The following C10orf88 variants were observed in gnomAD, a reference collection of about 807,000 sequenced individuals.
C10orf88 encodes the protein ATPase PAAT.
A neutral mutation model predicts 34.2 loss-of-function variants in C10orf88; 29 were observed. The observed-to-expected ratio is 0.85, with a 90% CI of 0.63 to 1.16. The LOEUF is 1.16. Ranked by LOEUF, C10orf88 falls within the 50% of genes most tolerant of loss-of-function variation. The pLI, the probability that C10orf88 is intolerant of heterozygous loss-of-function variation, is 0.00. For missense variants in C10orf88, 507 were observed against 533.2 expected (o/e 0.95, Z 0.48); for synonymous variants, 194 against 197.4 (o/e 0.98, Z 0.15).
In C10orf88 at chr10:122,932,656, T is replaced by C. The variant is rs776166375; in HGVS notation, c.1109A>G (p.Glu370Gly). The change falls in exon 6 of 6, where the codon GAA (glutamate) becomes GGA (glycine). Residue 370 changes from glutamate (E) to glycine (G), a missense_variant. By Grantham distance (98) the Glu-to-Gly change is moderately conservative. Transcript: ENST00000481909. ...CAAGTAGGAGCAAATAGATTGCTCTTCCATTCTAAAAATACATTTTTAAAA... is the reference window on the plus strand; with the variant it reads ...CAAGTAGGAGCAAATAGATTGCTCTCCCATTCTAAAAATACATTTTTAAAA... The part of the protein sequence containing the change: ...HGERILGVGM[E>G]EQSICSYLEK... 4.4e-6 allele frequency: 7 copies of C among 1,589,594 alleles called. No individual in the cohort carries two copies. Among genetic ancestry groups the C allele is most frequent in the East Asian group, 2.2e-5 (1 of 44,674 alleles).
rs373782800 is a variant in C10orf88, at chr10:122,932,453, C to G, written c.1312G>C (p.Glu438Gln). 6.2e-7 allele frequency: 1 copy of G among 1,613,122 alleles called. No homozygotes were observed. Among genetic ancestry groups the G allele is most frequent in the African/African-American group, 1.3e-5 (1 of 74,890 alleles). Reference sequence around the variant, plus strand: ...TATCTTTCTCCATTTGAAAGTCTTTCTCCAGAGTCATAATGTCTTAGAGGT... The same window carrying G: ...TATCTTTCTCCATTTGAAAGTCTTTGTCCAGAGTCATAATGTCTTAGAGGT... ...GIPLRHYDSGERLSNGER is the reference protein window; with the variant it reads ...GIPLRHYDSGQRLSNGER Residue 438 changes from glutamate to glutamine, a missense_variant, in exon 6 of 6, where the codon GAA becomes CAA. Transcript: ENST00000481909.
chr10:122,937,338 A>T (rs1267168966), intron 5 of C10orf88, among the ~76,000 whole-genome samples: 1 of 152,046 alleles, frequency 6.6e-6, no homozygotes, highest in South Asian at 2.1e-4. Context: ...TGTCACAATG[A>T]CATGCTTAAC....
chr10:122,938,879 T>A (rs935331443), intron 4 of C10orf88, among the ~76,000 whole-genome samples: 1 of 152,030 alleles, frequency 6.6e-6, no homozygotes, highest in Non-Finnish European at 1.5e-5. Flanking sequence ...CCTTTTATGC[T>A]CTTTAATTTT....
chr10:122,939,704 C>T (rs1482818721), intron 4 of C10orf88, among the ~76,000 whole-genome samples: 2 of 151,878 alleles, frequency 1.3e-5, no homozygotes, highest in Non-Finnish European at 2.9e-5. Context: ...GTTACTCAGT[C>T]ATAACAGGAA....
intron 5 of C10orf88, among the ~76,000 whole-genome samples, chr10:122,934,090 G>T (rs920685276): frequency 2.0e-5 from 3 of 152,062 alleles, no homozygotes; most frequent in African/African-American, 7.2e-5. Flanking sequence ...AATAATTATG[G>T]ATTCACAGGA....
rs769196485 is a variant in C10orf88 at position 122,953,035 on chromosome 10, G to A, written c.165-3C>T. On this transcript the variant is annotated splice_region_variant and splice_polypyrimidine_tract_variant and intron_variant, in intron 1 of 5. Transcript: ENST00000481909. ...TCTTCAAAATCACCAGATCCTGACTGAGAAGAAAATTGGTGAAAACATCAC... is the reference window on the plus strand; with the variant it reads ...TCTTCAAAATCACCAGATCCTGACTAAGAAGAAAATTGGTGAAAACATCAC... 9 of 1,604,008 alleles carry A rather than the reference G, an allele frequency of 5.6e-6. No individual in the cohort carries two copies. The highest frequency in any genetic ancestry group is 1.6e-4 in the Middle Eastern group (1 of 6,068).
chr10:122,941,142 C>T (rs909839020), intron 4 of C10orf88, among the ~76,000 whole-genome samples: 2 of 151,854 alleles, frequency 1.3e-5, no homozygotes, highest in South Asian at 2.1e-4. Flanking sequence ...GAGTATAACT[C>T]CTAAATAACT....
chr10:122,953,964 A>G (rs781010889), intron 1 of C10orf88, 51 bp downstream of exon 1: 3 of 1,466,548 alleles, frequency 2.0e-6, no homozygotes, highest in Middle Eastern at 2.4e-4. Context: ...CTCCCCTAGA[A>G]GCGCGGCAGT....
At chr10:122,933,054 A>G (rs1005021266) in intron 5 of C10orf88, among the ~76,000 whole-genome samples, 2 of 152,214 alleles carry the variant, frequency 1.3e-5, no homozygotes, top group Admixed American at 6.5e-5. Context: ...CATACAAACA[A>G]CCTTACTAAA....
At chr10:122,951,661 T>C (rs974855211) in intron 3 of C10orf88, among the ~76,000 whole-genome samples, 4 of 152,128 alleles carry the variant, frequency 2.6e-5, no homozygotes, top group East Asian at 1.9e-4. Flanking sequence ...CTGAGCCTCA[T>C]CTCTACTAAA....
At chr10:122,948,473 G>A (rs1848659854) in intron 4 of C10orf88, among the ~76,000 whole-genome samples, 176 bp downstream of exon 4, 1 of 152,146 alleles carries the variant, frequency 6.6e-6, no homozygotes, top group African/African-American at 2.4e-5. Context: ...GTGTGAAAAT[G>A]TGTAGTCAAA....
At chr10:122,933,930 A>C (rs998585798) in intron 5 of C10orf88, among the ~76,000 whole-genome samples, 2 of 152,172 alleles carry the variant, frequency 1.3e-5, no homozygotes, top group East Asian at 3.8e-4. Flanking sequence ...GTTAATATAC[A>C]GTGGGTTTAT....
At chr10:122,939,826 G>A (rs538670796) in intron 4 of C10orf88, among the ~76,000 whole-genome samples, 1 of 151,974 alleles carries the variant, frequency 6.6e-6, no homozygotes, top group South Asian at 2.1e-4. Context: ...TGAACATTAA[G>A]TAGGCAGAAC....
chr10:122,942,638 C>T (rs1452859475), intron 4 of C10orf88, among the ~76,000 whole-genome samples: 20 of 149,396 alleles, frequency 1.3e-4, no homozygotes, highest in Non-Finnish European at 2.4e-4. Flanking sequence ...TCGTCTCAGC[C>T]CAAAATCTCC....
intron 4 of C10orf88, among the ~76,000 whole-genome samples, chr10:122,941,927 G>A (rs1222374798): frequency 6.6e-6 from 1 of 151,988 alleles, no homozygotes; most frequent in Non-Finnish European, 1.5e-5. Context: ...AACTCTACAA[G>A]GATACACGCC....
intron 5 of C10orf88, among the ~76,000 whole-genome samples, chr10:122,937,231 G>A (rs930152439): frequency 1.3e-5 from 2 of 151,960 alleles, no homozygotes; most frequent in African/African-American, 4.8e-5. Flanking sequence ...TTAAGAGACT[G>A]GGGATAATAG....
chr10:122,933,027 TA>T (rs1848498895), intron 5 of C10orf88, among the ~76,000 whole-genome samples: 1 of 152,174 alleles, frequency 6.6e-6, no homozygotes, highest in South Asian at 2.1e-4. Flanking sequence ...ACCAACTCTA[TA>T]AAGTTTTTCT....
chr10:122,953,228 C>T (rs901875734), intron 1 of C10orf88, among the ~76,000 whole-genome samples, 196 bp from the exon 2 acceptor site: 2 of 152,208 alleles, frequency 1.3e-5, no homozygotes, highest in African/African-American at 4.8e-5. Context: ...CAGGCACCCG[C>T]CACCGCGCCC....
chr10:122,936,260 A>T (rs942540973), intron 5 of C10orf88, among the ~76,000 whole-genome samples: 2 of 151,510 alleles, frequency 1.3e-5, no homozygotes, highest in African/African-American at 2.4e-5. Context: ...TGTTTGTAAT[A>T]TTCCCTCCCT....
Sources: allele counts gnomAD v4.1 joint callset (sites outside exome capture counted in the v4.1 genomes callset), GRCh38; gene constraint gnomAD v4.1.1; transcripts MANE v1.5; gene names NCBI Gene and HGNC (gene_info 2026-07-23, HGNC 2026-07-21).